Variants in UBA2 observed in about 807,000 individuals in gnomAD.
The protein encoded by UBA2 is SUMO-activating enzyme subunit 2.
Under a neutral mutation model 77.2 loss-of-function variants are expected in UBA2, and 11 were observed. That is an observed-to-expected ratio of 0.14 (90% CI 0.09 to 0.24). The LOEUF is 0.24. Ranked by LOEUF, UBA2 falls within the 10% of genes least tolerant of loss-of-function variation. The probability of loss-of-function intolerance (pLI) is 1.00; values close to 1 mark genes in which losing one functional copy is unlikely to be tolerated. For synonymous variants in UBA2, 278 were observed against 276.7 expected (o/e 1.00, Z -0.05); for missense variants, 487 against 781.7 (o/e 0.62, Z 4.50).
At chr19:34,429,658 A>G (rs2145483608) in intron 1 of UBA2, among the ~76,000 whole-genome samples, 1 of 152,006 alleles carries the variant, frequency 6.6e-6, no homozygotes, top group African/African-American at 2.4e-5. Context: ...GGCAACATAG[A>G]GAAACCCCGT....
At chr19:34,466,717 G>C (rs2075691686) in intron 15 of UBA2, among the ~76,000 whole-genome samples, 161 bp from the exon 16 acceptor site, 1 of 151,752 alleles carries the variant, frequency 6.6e-6, no homozygotes, top group South Asian at 2.1e-4. Context: ...AACATTATGA[G>C]ACCCTATCTC....
intron 9 of UBA2, among the ~76,000 whole-genome samples, chr19:34,451,337 G>A (rs2075493725): frequency 6.6e-6 from 1 of 152,030 alleles, no homozygotes; most frequent in African/African-American, 2.4e-5. Context: ...TCATTTTGGA[G>A]CAGTTCTCAA....
Position 34,470,563 on chromosome 19 carries a change from T to C in UBA2, c.*1342T>C, listed in dbSNP as rs1201958676. 2 of 152,198 alleles carry C rather than the reference T, an allele frequency of 1.3e-5. No homozygotes were observed. The highest frequency in any genetic ancestry group is 2.9e-5 in the Non-Finnish European group (2 of 68,064). 9.4% of individuals were successfully genotyped at this position (152,198 alleles called of 1,614,324 possible). On this transcript the variant is annotated 3_prime_UTR_variant, in exon 17 of 17. Transcript: ENST00000246548. ...TTTGAGATGAAGCCTCACACTGTCA[T>C]CTGGCCTGGAGTGCAGTGGCGCGAT... is the stretch of plus-strand genomic sequence containing the variant.
At chr19:34,450,537 T>G (rs1383788617) in intron 9 of UBA2, among the ~76,000 whole-genome samples, 173 bp downstream of exon 9, 1 of 152,152 alleles carries the variant, frequency 6.6e-6, no homozygotes, top group African/African-American at 2.4e-5. Context: ...TAGCCACTAA[T>G]AACATTTTCA....
intron 15 of UBA2, among the ~76,000 whole-genome samples, chr19:34,464,545 G>A (rs1428448941): frequency 1.4e-5 from 2 of 143,328 alleles, no homozygotes; most frequent in South Asian, 2.3e-4. Context: ...GAGACAGAGT[G>A]AGACTCCAAC....
At chr19:34,452,754 G>A (rs2075515558) in intron 10 of UBA2, among the ~76,000 whole-genome samples, 1 of 152,196 alleles carries the variant, frequency 6.6e-6, no homozygotes, top group South Asian at 2.1e-4. Context: ...TTCCTGTGGT[G>A]TTGAAGATTA....
chr19:34,430,527 C>CA, intron 1 of UBA2, 49 bp from the exon 2 acceptor site: 1 of 1,435,866 alleles, frequency 7.0e-7, no homozygotes, highest in Non-Finnish European at 9.8e-7. Flanking sequence ...TGATACAGCT[C>CA]AAACATACGT....
intron 14 of UBA2, among the ~76,000 whole-genome samples, chr19:34,461,022 C>T (rs1254911608): frequency 6.6e-6 from 1 of 152,170 alleles, no homozygotes; most frequent in Non-Finnish European, 1.5e-5. Context: ...CAGTTCATCC[C>T]TTTTGCTAAC....
intron 8 of UBA2, among the ~76,000 whole-genome samples, chr19:34,446,072 GATCTCAAACTCCTGGTTTCAA>G (rs1283371728): frequency 2.6e-5 from 4 of 152,006 alleles, no homozygotes; most frequent in Non-Finnish European, 4.4e-5. Flanking sequence ...TGCCCAGGCA[GATCTCAAACTCCTGGTTTCAA>G]GTCTCAAACT....
At chr19:34,457,650 G>T in intron 12 of UBA2, among the ~76,000 whole-genome samples, 1 of 152,082 alleles carries the variant, frequency 6.6e-6, no homozygotes, top group South Asian at 2.1e-4. Flanking sequence ...GTCTCTTGAG[G>T]GATTTAGTTC....
At position 34,431,280 on chromosome 19, in the gene UBA2, C is replaced by T. The variant is rs2075252413; in HGVS notation, c.223-581C>T. Among the ~76,000 whole-genome samples the T allele has an allele frequency of 2.9e-5, 3 of 102,400 alleles. No individual in the cohort carries two copies. The South Asian group carries it at 1.0e-3, about 35-fold the overall frequency. The allele number at this position is 102,400 out of a possible 152,430, so 67.2% of individuals were successfully genotyped here. On this transcript the variant is annotated intron_variant, in intron 2 of 16. Coordinates refer to ENST00000246548, the MANE Select transcript of UBA2 (RefSeq NM_005499.3). ...TTTTTTTTTTTTTTAGAGATAGGGT[C>T]TCACTCTGTCGCCCCAGGCTGGAGT...
At position 34,471,004 on chromosome 19, in the gene UBA2, ACCATCC is replaced by A. The variant is rs2075729015; in HGVS notation, c.*1787_*1792del. ...GTTTACCAAAGTCCATTTTGAATGTACCATCCCCAGCCCAACTCCAGCCTACAGATA... is the reference window on the plus strand; with the variant it reads ...GTTTACCAAAGTCCATTTTGAATGTACCAGCCCAACTCCAGCCTACAGATA... On this transcript the variant is annotated 3_prime_UTR_variant, in exon 17 of 17. Coordinates refer to ENST00000246548, the MANE Select transcript of UBA2 (RefSeq NM_005499.3). 6.6e-6 allele frequency: 1 copy of A among 152,094 alleles called. No homozygotes were observed. The allele number at this position is 152,094 out of a possible 1,614,324, so 9.4% of individuals were successfully genotyped here.
chr19:34,441,773 T>C (rs1380531858), intron 6 of UBA2, among the ~76,000 whole-genome samples: 2 of 151,388 alleles, frequency 1.3e-5, no homozygotes, highest in African/African-American at 4.9e-5. Context: ...ATACAAAAAT[T>C]AGTGGGGTGT....
At chr19:34,442,284 C>G (rs890802917) in intron 6 of UBA2, among the ~76,000 whole-genome samples, 1 of 151,976 alleles carries the variant, frequency 6.6e-6, no homozygotes, top group African/African-American at 2.4e-5. Context: ...ATTTTTCACT[C>G]GAAGGGAAAC....
chr19:34,435,501 TAGAGTGGTAA>T (rs1178663374), intron 5 of UBA2, among the ~76,000 whole-genome samples: 1 of 151,964 alleles, frequency 6.6e-6, no homozygotes, highest in African/African-American at 2.4e-5. Context: ...TTAAAATCCT[TAGAGTGGTAA>T]GCATGATATA....
intron 12 of UBA2, among the ~76,000 whole-genome samples, chr19:34,455,021 T>C (rs888782305): frequency 2.6e-5 from 4 of 152,242 alleles, no homozygotes; most frequent in African/African-American, 9.6e-5. Context: ...CGTAGTGATT[T>C]GCTTGTATGG....
chr19:34,463,488 T>G (rs2075654401), intron 14 of UBA2, among the ~76,000 whole-genome samples: 1 of 152,212 alleles, frequency 6.6e-6, no homozygotes, highest in Non-Finnish European at 1.5e-5. Context: ...ACCTCTCTCC[T>G]TTGCTTGCAG....
At chr19:34,443,816 A>C (rs576158094) in intron 6 of UBA2, 28 bp from the exon 7 acceptor site, 1 of 1,352,264 alleles carries the variant, frequency 7.4e-7, no homozygotes, top group East Asian at 2.3e-5. Context: ...TTTGTTATAC[A>C]GAAGTATTTA....
chr19:34,437,378 G>A (rs912489616), intron 5 of UBA2, among the ~76,000 whole-genome samples: 2 of 151,414 alleles, frequency 1.3e-5, no homozygotes, highest in African/African-American at 4.8e-5. Context: ...GGGAGGCCAA[G>A]GCGGGCGGAT....
Sources: gnomAD v4.1 joint callset for allele counts (sites outside exome capture counted in the v4.1 genomes callset) on GRCh38, gnomAD v4.1.1 for gene constraint, MANE v1.5 for transcripts, NCBI Gene and HGNC (gene_info 2026-07-23, HGNC 2026-07-21) for gene names.